The following ANTXRL variants were observed in gnomAD, a reference collection of about 807,000 sequenced individuals.
The protein encoded by ANTXRL is anthrax toxin receptor-like.
ANTXRL carries 63 observed loss-of-function variants against 75.4 expected under a neutral mutation model. The observed-to-expected ratio is 0.84, with a 90% confidence interval of 0.68 to 1.03. The LOEUF (loss-of-function observed/expected upper bound fraction) is 1.03. Among genes scored for constraint, ANTXRL ranks in the 50% least tolerant of loss-of-function variants. The pLI, the probability that ANTXRL is intolerant of heterozygous loss-of-function variation, is 0.00. For missense variants in ANTXRL, 797 were observed against 789.4 expected (o/e 1.01, Z -0.12); for synonymous variants, 335 against 291.3 (o/e 1.15, Z -1.53).
At chr10:46,293,585 GTGCAAGTGTCTT>G (rs1238617739) in intron 2 of ANTXRL, among the ~76,000 whole-genome samples, 4 of 132,762 alleles carry the variant, frequency 3.0e-5, no homozygotes, top group African/African-American at 1.0e-4. Flanking sequence ...GCGTGTGTGT[GTGCAAGTGTCTT>G]TGGGGTGTTG....
At chr10:46,327,839 TG>T (rs1292444466) in intron 16 of ANTXRL, among the ~76,000 whole-genome samples, 4 of 152,022 alleles carry the variant, frequency 2.6e-5, no homozygotes, top group Non-Finnish European at 1.5e-5. Context: ...AGGGTGGCCT[TG>T]AGTACAGAAG....
intron 1 of ANTXRL, among the ~76,000 whole-genome samples, chr10:46,287,811 T>C (rs1554955661): frequency 1.3e-5 from 2 of 152,160 alleles, no homozygotes. Flanking sequence ...CAACAGATGA[T>C]TGCTCGGACC....
intron 16 of ANTXRL, among the ~76,000 whole-genome samples, chr10:46,320,490 G>A (rs1023242102): frequency 6.6e-6 from 1 of 152,122 alleles, no homozygotes; most frequent in Non-Finnish European, 1.5e-5. Flanking sequence ...CCAACACTTT[G>A]GGAGGCCTAG....
At chr10:46,297,655 G>A (rs1253231535) in intron 7 of ANTXRL, among the ~76,000 whole-genome samples, 176 bp from the exon 8 acceptor site, 2 of 152,140 alleles carry the variant, frequency 1.3e-5, no homozygotes, top group Non-Finnish European at 2.9e-5. Flanking sequence ...AAAGGGGAGG[G>A]TGGAAGAGCT....
intron 2 of ANTXRL, among the ~76,000 whole-genome samples, chr10:46,292,544 C>A (rs782552032): frequency 2.0e-5 from 3 of 152,110 alleles, no homozygotes; most frequent in Non-Finnish European, 4.4e-5. Context: ...GGATGTGGGT[C>A]TTTGAACTGG....
At chr10:46,292,011 C>A in intron 1 of ANTXRL, 47 bp from the exon 2 acceptor site, 2 of 1,510,366 alleles carry the variant, frequency 1.3e-6, no homozygotes, top group South Asian at 1.2e-5. Context: ...ACTTGCCCAT[C>A]GGAGAGATGC....
intron 10 of ANTXRL, among the ~76,000 whole-genome samples, chr10:46,304,123 T>C (rs1477914107): frequency 6.6e-6 from 1 of 152,144 alleles, no homozygotes; most frequent in Admixed American, 6.5e-5. Context: ...GGAACTGTCT[T>C]AGGGACTGAG....
intron 13 of ANTXRL, 141 bp downstream of exon 13, chr10:46,309,343 T>A (rs1554962822): frequency 6.9e-7 from 1 of 1,456,320 alleles, no homozygotes. Context: ...GCCCAGGGAG[T>A]CGCAGACCTG....
At chr10:46,294,167 G>C (rs1837227492) in intron 3 of ANTXRL, 1 of 502,448 alleles carries the variant, frequency 2.0e-6, no homozygotes, top group Non-Finnish European at 3.6e-6. Flanking sequence ...TCTCCGCTCT[G>C]CCTCCTTCCC....
intron 2 of ANTXRL, chr10:46,293,187 T>G (rs1390213631): frequency 1.9e-5 from 3 of 154,682 alleles, no homozygotes; most frequent in Non-Finnish European, 4.3e-5. Context: ...CATGTTCAGG[T>G]GCATGTGTGT....
At chr10:46,306,957 C>G (rs559614668) in intron 11 of ANTXRL, 85 bp downstream of exon 11, 360 of 1,142,302 alleles carry the variant, frequency 3.2e-4, no homozygotes, top group Admixed American at 3.8e-4. Flanking sequence ...TGTGGATGCC[C>G]CCCACCCCCT....
chr10:46,314,918 A>G lies in ANTXRL; in HGVS notation c.1410+1602A>G, dbSNP rs547138806. On this transcript the variant is annotated intron_variant, in intron 16 of 16. Transcript: ENST00000620264. ...GCCCATAGCTGTGGCTTGTAGACCT[A>G]GGCTCCTTTCTAGCTCTTCTGCGAC... 1.5e-3 allele frequency among the ~76,000 whole-genome samples: 221 copies of G among 152,158 alleles called. 2 individuals carry two copies. Among genetic ancestry groups the G allele is most frequent in the African/African-American group, 5.0e-3 (208 of 41,516 alleles).
chr10:46,310,049 G>A (rs782688428), intron 13 of ANTXRL, among the ~76,000 whole-genome samples: 2 of 152,152 alleles, frequency 1.3e-5, no homozygotes, highest in African/African-American at 2.4e-5. Context: ...TGCAAGGGGA[G>A]GAAGCCCGGG....
intron 5 of ANTXRL, among the ~76,000 whole-genome samples, chr10:46,297,046 G>A (rs1326742050): frequency 4.6e-5 from 7 of 152,140 alleles, no homozygotes; most frequent in Admixed American, 3.9e-4. Context: ...TGGGTGCTGG[G>A]CTGAGACCTC....
intron 15 of ANTXRL, among the ~76,000 whole-genome samples, chr10:46,312,675 C>A (rs1805442594): frequency 1.4e-5 from 2 of 147,760 alleles, no homozygotes; most frequent in Non-Finnish European, 3.0e-5. Flanking sequence ...ACACACGGCC[C>A]TCATCCCATC....
Position 46,329,701 on chromosome 10 carries a change from CA to C in ANTXRL, c.1514del (p.Gln505ArgfsTer10), listed in dbSNP as rs1839398861. The C allele has an allele frequency of 6.5e-7, 1 of 1,535,676 alleles. No individual in the cohort carries two copies. The highest frequency in any genetic ancestry group is 8.7e-7 in the Non-Finnish European group (1 of 1,146,784). On this transcript the variant is annotated frameshift_variant, in exon 17 of 17. Transcript: ENST00000620264. LOFTEE classifies it high-confidence loss of function. ...CAGCCAGGAGTGCCTTTCCCTACCA[CA>C]GGCTCCCTGCAGCCCAAGGATGTGC... is the stretch of plus-strand genomic sequence containing the variant. ...PHSQECLSLP[Q>X]APCSPRMCLR...
intron 16 of ANTXRL, 27 bp from the exon 17 acceptor site, chr10:46,329,572 A>C: frequency 6.6e-7 from 1 of 1,522,462 alleles, no homozygotes; most frequent in Non-Finnish European, 8.8e-7. Context: ...CATCACGGTG[A>C]CCTTCTCTCT....
intron 16 of ANTXRL, among the ~76,000 whole-genome samples, chr10:46,326,644 G>A (rs1447122822): frequency 6.6e-6 from 1 of 152,112 alleles, no homozygotes; most frequent in Non-Finnish European, 1.5e-5. Context: ...CAGGAGGAGT[G>A]AGGTGGGGCT....
In ANTXRL at chr10:46,293,886, A is replaced by C; in HGVS notation, c.378A>C (p.Pro126=). 6.5e-7 allele frequency: 1 copy of C among 1,535,516 alleles called. No homozygotes were observed. Among genetic ancestry groups the C allele is most frequent in the Non-Finnish European group, 8.7e-7 (1 of 1,146,592 alleles). Residue 126 remains proline, a synonymous_variant, in exon 3 of 17, where the codon CCA becomes CCC. Transcript: ENST00000620264. ...CCACAGACGGCCAGACTGTCTTGCC[A>C]CTCACCTCAGACAAGTGAGTGCTGC... ...TYSTDGQTVL[P]LTSDKNRIKN... is the part of the protein sequence containing the mutation.
Sources: gnomAD v4.1 joint callset for allele counts (sites outside exome capture counted in the v4.1 genomes callset) on GRCh38, gnomAD v4.1.1 for gene constraint, MANE v1.5 for transcripts, NCBI Gene and HGNC (gene_info 2026-07-23, HGNC 2026-07-21) for gene names.